VRTN: variants seen among roughly 807,000 people sequenced by gnomAD.
VRTN encodes vertnin.
VRTN carries 5 observed loss-of-function variants against 18.2 expected under a neutral mutation model. The ratio of observed to expected loss-of-function variants is 0.27; its 90% CI spans 0.14 to 0.58. The LOEUF is 0.58. Ranked by LOEUF, VRTN falls within the 20% of genes least tolerant of loss-of-function variation. The probability of loss-of-function intolerance (pLI) is 0.91; values close to 1 mark genes in which losing one functional copy is unlikely to be tolerated. For synonymous variants in VRTN, 381 were observed against 393.7 expected, an observed-to-expected ratio of 0.97 and a Z score of 0.38; for missense variants, 741 against 939.4, an observed-to-expected ratio of 0.79 and a Z score of 2.76.
intron 1 of VRTN, among the ~76,000 whole-genome samples, chr14:74,324,042 T>G (rs1227459986): frequency 6.6e-6 from 1 of 152,036 alleles, no homozygotes; most frequent in African/African-American, 2.4e-5. Flanking sequence ...GATTGAGAGC[T>G]TCATGTAAAG....
chr14:74,353,015 G>C (rs781395481), intron 1 of VRTN, among the ~76,000 whole-genome samples: 2 of 152,170 alleles, frequency 1.3e-5, no homozygotes, highest in Non-Finnish European at 2.9e-5. Flanking sequence ...CTGGGGCCAG[G>C]CATGGTGGCT....
chr14:74,307,343 T>A (rs2085359912), intron 1 of VRTN, among the ~76,000 whole-genome samples: 2 of 152,028 alleles, frequency 1.3e-5, no homozygotes, highest in Admixed American at 6.6e-5. Flanking sequence ...TTGGCTAGGC[T>A]GGTCTCAAAC....
In VRTN at chr14:74,317,529, C is replaced by T. The variant is rs147323006; in HGVS notation, c.-164+14353C>T. Among the ~76,000 whole-genome samples the T allele has an allele frequency of 3.4e-3, 517 of 152,218 alleles. 3 individuals are homozygous for T. The highest frequency in any genetic ancestry group is 0.012 in the African/African-American group (494 of 41,532). ...CAAAATGTCAATAGTGAGCCAGGCA[C>T]GGTGGGTCACACCTGTAATACCAGC... On this transcript the variant is annotated intron_variant, in intron 1 of 2. Coordinates refer to the VRTN transcript ENST00000557177.
chr14:74,347,268 A>T (rs2085649461), upstream of VRTN, among the ~76,000 whole-genome samples: 1 of 152,248 alleles, frequency 6.6e-6, no homozygotes, highest in Admixed American at 6.5e-5. Context: ...CAGGATTGGC[A>T]TTCAAACCCA....
At chr14:74,306,166 A>ATGTATG (rs1236060490) in intron 1 of VRTN, 1 of 84,190 alleles carries the variant, frequency 1.2e-5, no homozygotes, top group African/African-American at 5.2e-5. Flanking sequence ...ATATATATAT[A>ATGTATG]TATATATTTT....
intron 1 of VRTN, among the ~76,000 whole-genome samples, chr14:74,321,666 G>A (rs1217117326): frequency 1.3e-5 from 2 of 151,270 alleles, no homozygotes; most frequent in Non-Finnish European, 2.9e-5. Flanking sequence ...CACCATGCCC[G>A]CTAATTTTTG....
At chr14:74,351,689 A>G (rs956843036) in intron 1 of VRTN, among the ~76,000 whole-genome samples, 3 of 151,192 alleles carry the variant, frequency 2.0e-5, no homozygotes, top group African/African-American at 7.3e-5. Flanking sequence ...TATGTTGTCC[A>G]GGCTGGTCTC....
At position 74,340,110 on chromosome 14, in the gene VRTN, ATTTTTTT is replaced by A. The variant is rs71115984; in HGVS notation, c.-2+2239_-2+2245del. ...GCCACCACACTCAGCTAATGTTTGT[ATTTTTTT>A]TTTTTTTTTTTTGAGACGGAGTTTT... On this transcript the variant is annotated intron_variant, in intron 2 of 2. Transcript: ENST00000557177. Among the ~76,000 whole-genome samples the A allele has an allele frequency of 7.1e-5, 8 of 113,198 alleles. No homozygotes were observed. In the South Asian group the frequency reaches 9.0e-4, roughly 13 times the overall value. 74.3% of individuals were successfully genotyped at this position (113,198 alleles called of 152,430 possible). A position where few individuals can be genotyped will look rare whatever the true frequency, so the allele number is the denominator to read the frequency against.
intron 1 of VRTN, among the ~76,000 whole-genome samples, chr14:74,329,154 A>G (rs1244079960): frequency 6.6e-6 from 1 of 152,070 alleles, no homozygotes; most frequent in Non-Finnish European, 1.5e-5. Flanking sequence ...GCATGCCTGT[A>G]ATCCCAGCTA....
chr14:74,355,602 T>A (rs1220434112), intron 1 of VRTN, among the ~76,000 whole-genome samples: 2 of 152,178 alleles, frequency 1.3e-5, no homozygotes, highest in Non-Finnish European at 2.9e-5. Context: ...TGGCATGATC[T>A]CTACTCAGTG....
intron 2 of VRTN, among the ~76,000 whole-genome samples, chr14:74,340,892 C>T (rs1311952378): frequency 3.9e-5 from 6 of 152,056 alleles, no homozygotes; most frequent in East Asian, 1.9e-4. Context: ...CTGGAGTACG[C>T]GCAGCCACTC....
upstream of VRTN, among the ~76,000 whole-genome samples, chr14:74,344,277 G>A (rs528060140): frequency 0.014 from 374 of 27,308 alleles, no homozygotes; most frequent in Non-Finnish European, 0.024. Context: ...GCCAGATATG[G>A]TGGTGCCCAG....
rs2085472815 is a variant in VRTN at position 74,324,147 on chromosome 14, G to A, written c.-163-13576G>A. Among the ~76,000 whole-genome samples, 2 of 152,024 alleles carry A rather than the reference G, an allele frequency of 1.3e-5. 1 individual carries two copies. Among genetic ancestry groups the A allele is most frequent in the South Asian group, 4.1e-4 (2 of 4,830 alleles). ...CTCACGCCTGTAATCCCAGCACTTT[G>A]AGAGGCCGAGGCAGGCGGATCATGA... On this transcript the variant is annotated intron_variant, in intron 1 of 2. Transcript: ENST00000557177.
Position 74,358,866 on chromosome 14 carries a change from G to T in VRTN, c.2083G>T (p.Asp695Tyr). Residue 695 changes from aspartate (D) to tyrosine (Y), a missense_variant, in exon 2 of 2, where the codon GAC (aspartate) becomes TAC (tyrosine). By Grantham distance (160) the Asp-to-Tyr change is radical. This residue lies in a region of VRTN where 61 missense variants were observed against 104.6 expected (regional missense o/e 0.58). Coordinates refer to ENST00000256362, the MANE Select transcript of VRTN (RefSeq NM_018228.3). The surrounding 1 kb of genome is among the most constrained non-coding windows in gnomAD (Gnocchi z 5.4). The part of the protein sequence containing the change: ...TYYMWKRALY[D>Y]GLTLVDG The stretch of plus-strand genomic sequence containing the variant: ...CTACATGTGGAAGCGAGCCCTCTAT[G>T]ACGGCCTGACCCTGGTAGATGGCTG... The T allele has an allele frequency of 6.2e-7, 1 of 1,612,894 alleles. No individual in the cohort carries two copies. Among genetic ancestry groups the T allele is most frequent in the South Asian group, 1.1e-5 (1 of 90,982 alleles).
rs982398457 is a variant in VRTN at position 74,356,849 on chromosome 14, A to C, written c.66A>C (p.Glu22Asp). The change falls in exon 2 of 2, where the codon GAA becomes GAC. Residue 22 changes from glutamate (E) to aspartate (D), a missense_variant. Physicochemically the swap from Glu to Asp is conservative, Grantham distance 45 (BLOSUM62 2). Around this residue, in one of 3 missense-constraint regions of VRTN, gnomAD observed 186 missense variants for 288.3 expected, o/e 0.65. Transcript: ENST00000256362. The stretch of plus-strand genomic sequence containing the variant: ...AGCTGCAGGAAGCAGTGGAGTGCGA[A>C]GGCCTGGAGGGTCTCATAGGTGCTT... The part of the protein sequence containing the change: ...LQELQEAVEC[E>D]GLEGLIGASL... 6.2e-7 allele frequency: 1 copy of C among 1,613,454 alleles called. No homozygotes were observed. The highest frequency in any genetic ancestry group is 1.7e-5 in the Admixed American group (1 of 59,932).
At chr14:74,332,642 A>G (rs1351052649) in intron 1 of VRTN, among the ~76,000 whole-genome samples, 5 of 151,376 alleles carry the variant, frequency 3.3e-5, no homozygotes, top group African/African-American at 1.2e-4. Flanking sequence ...CAGGCGTGAC[A>G]CCATGCCTGG....
chr14:74,315,986 A>G (rs1451202181), intron 1 of VRTN, among the ~76,000 whole-genome samples: 2 of 152,138 alleles, frequency 1.3e-5, no homozygotes, highest in African/African-American at 2.4e-5. Context: ...TATCTTGCAA[A>G]GGGCGTAAAC....
chr14:74,322,608 C>T (rs1031655675), intron 1 of VRTN, among the ~76,000 whole-genome samples: 1 of 152,166 alleles, frequency 6.6e-6, no homozygotes, highest in Admixed American at 6.6e-5. Flanking sequence ...CCCACCCTGT[C>T]CCTCTGCTTC....
chr14:74,357,940 A>T lies in VRTN; in HGVS notation c.1157A>T (p.Glu386Val). 6.2e-7 allele frequency: 1 copy of T among 1,614,160 alleles called. No individual in the cohort carries two copies. Among genetic ancestry groups the T allele is most frequent in the Non-Finnish European group, 8.5e-7 (1 of 1,180,028 alleles). ...KLPEEQVAEE[E>V]LECSALAVSS... ...CCGGAGGAGCAGGTGGCTGAGGAGGAGCTGGAGTGCTCCGCACTGGCGGTG... is the reference window on the plus strand; with the variant it reads ...CCGGAGGAGCAGGTGGCTGAGGAGGTGCTGGAGTGCTCCGCACTGGCGGTG... Residue 386 changes from glutamate to valine, a missense_variant, in exon 2 of 2, where the codon GAG becomes GTG. Around this residue, in one of 3 missense-constraint regions of VRTN, gnomAD observed 494 missense variants for 546.5 expected, o/e 0.90. Coordinates refer to ENST00000256362, the MANE Select transcript of VRTN (RefSeq NM_018228.3). The surrounding 1 kb of genome is among the most constrained non-coding windows in gnomAD (Gnocchi z 7.8).
Sources: allele counts gnomAD v4.1 joint callset (sites outside exome capture counted in the v4.1 genomes callset), GRCh38; gene constraint gnomAD v4.1.1; regional missense constraint gnomAD v4.1.1; non-coding constraint Gnocchi (gnomAD v3.1); transcripts MANE v1.5; gene names NCBI Gene and HGNC (gene_info 2026-07-23, HGNC 2026-07-21).